KAZN: variants seen among roughly 807,000 people sequenced by gnomAD.
KAZN encodes the protein kazrin.
Under a neutral mutation model 87.4 loss-of-function variants are expected in KAZN, and 40 were observed. That is an observed-to-expected ratio of 0.46 (90% confidence interval 0.36 to 0.60). KAZN has a LOEUF of 0.60. Ranked by LOEUF, KAZN falls within the 20% of genes least tolerant of loss-of-function variation. The probability of loss-of-function intolerance (pLI) is 0.00; values close to 1 mark genes in which losing one functional copy is unlikely to be tolerated. For synonymous variants in KAZN, 466 were observed against 458.3 expected (o/e 1.02, Z -0.22); for missense variants, 898 against 1,073.9 (o/e 0.84, Z 2.29).
intron 2 of KAZN, among the ~76,000 whole-genome samples, chr1:15,003,208 C>A (rs953610313): frequency 6.6e-6 from 1 of 152,084 alleles, no homozygotes; most frequent in African/African-American, 2.4e-5. Flanking sequence ...AGGTGAGCAC[C>A]CCCGCTAGAG....
chr1:14,052,141 G>A lies in KAZN; in HGVS notation c.92-128294G>A, dbSNP rs114127694. ...CTTCCTGACACCATCACTGGCACCC[G>A]GCTCACATCTTGTACCTGCTCTCCC... On this transcript the variant is annotated intron_variant, in intron 1 of 16. Transcript: ENST00000636203. Among the ~76,000 whole-genome samples the A allele has an allele frequency of 9.3e-3, 1,417 of 152,236 alleles. 18 individuals are homozygous for A. Among genetic ancestry groups the A allele is most frequent in the African/African-American group, 0.033 (1,356 of 41,530 alleles).
intron 1 of KAZN, among the ~76,000 whole-genome samples, chr1:14,878,827 A>C (rs1342163023): frequency 6.6e-6 from 1 of 152,016 alleles, no homozygotes; most frequent in East Asian, 1.9e-4. Flanking sequence ...CCCACATCCC[A>C]CTGGGAATAG....
chr1:14,628,403 T>G (rs1679308531), intron 1 of KAZN, among the ~76,000 whole-genome samples: 2 of 152,208 alleles, frequency 1.3e-5, no homozygotes, highest in Admixed American at 1.3e-4. Context: ...AAAATTTAGA[T>G]AAAGCCCAAT....
At chr1:14,416,944 G>T (rs1391928016) in intron 2 of KAZN, among the ~76,000 whole-genome samples, 1 of 150,198 alleles carries the variant, frequency 6.7e-6, no homozygotes, top group Non-Finnish European at 1.5e-5. Flanking sequence ...GTGTGTGAGC[G>T]TGTATATGTG....
At chr1:13,908,547 G>A (rs900353321) in intron 1 of KAZN, among the ~76,000 whole-genome samples, 1 of 152,206 alleles carries the variant, frequency 6.6e-6, no homozygotes, top group Non-Finnish European at 1.5e-5. Flanking sequence ...AAGTTCCTTT[G>A]TGGACACTGG....
intron 2 of KAZN, among the ~76,000 whole-genome samples, chr1:15,033,778 AC>A (rs1302798725): frequency 6.6e-6 from 1 of 152,076 alleles, no homozygotes; most frequent in Non-Finnish European, 1.5e-5. Context: ...TCGCTCTCTC[AC>A]CCAGGCTGGA....
At chr1:14,688,331 T>A (rs1229617902) in intron 1 of KAZN, among the ~76,000 whole-genome samples, 2 of 152,234 alleles carry the variant, frequency 1.3e-5, no homozygotes, top group African/African-American at 4.8e-5. Flanking sequence ...TTGAGCTAGA[T>A]GGCCTCTCAA....
chr1:14,494,573 A>G (rs1669844421), intron 2 of KAZN, among the ~76,000 whole-genome samples: 1 of 152,112 alleles, frequency 6.6e-6, no homozygotes, highest in Non-Finnish European at 1.5e-5. Flanking sequence ...TGATGTACAC[A>G]GCCTCTGGTC....
chr1:15,064,814 T>C (rs1639090520), intron 7 of KAZN, among the ~76,000 whole-genome samples: 1 of 152,236 alleles, frequency 6.6e-6, no homozygotes, highest in Non-Finnish European at 1.5e-5. Context: ...ACAGGGCCTG[T>C]GGCCACCCTT....
intron 2 of KAZN, among the ~76,000 whole-genome samples, chr1:14,516,391 C>T (rs189728696): frequency 1.2e-3 from 187 of 152,292 alleles, no homozygotes; most frequent in Non-Finnish European, 2.1e-3. Context: ...GACCCAAGCC[C>T]TTGGATGTAG....
intron 2 of KAZN, among the ~76,000 whole-genome samples, chr1:14,586,960 A>T (rs560957997): frequency 7.4e-4 from 112 of 152,338 alleles, no homozygotes; most frequent in African/African-American, 2.6e-3. Context: ...TTAAAATTAG[A>T]GGTGTGCGTA....
chr1:14,405,138 C>T (rs1663726904), intron 2 of KAZN, among the ~76,000 whole-genome samples: 1 of 152,198 alleles, frequency 6.6e-6, no homozygotes, highest in African/African-American at 2.4e-5. Flanking sequence ...ACTTTGCATA[C>T]CACTGCTCAG....
At position 14,761,773 on chromosome 1, in the gene KAZN, A is replaced by G. The variant is rs552899298; in HGVS notation, c.226+162550A>G. On this transcript the variant is annotated intron_variant, in intron 1 of 14. Transcript: ENST00000376030. ...CTCAGTTCCAAGCCTAAGACTGCAG[A>G]CCTCCATTTTCAAGGCTAAAAACAC... 2.0e-5 allele frequency among the ~76,000 whole-genome samples: 3 copies of G among 152,028 alleles called. No individual in the cohort carries two copies. In the East Asian group the frequency reaches 5.8e-4, roughly 29 times the overall value.
chr1:14,432,565 T>A (rs531348091), intron 2 of KAZN, among the ~76,000 whole-genome samples: 65 of 152,268 alleles, frequency 4.3e-4, no homozygotes, highest in South Asian at 2.5e-3. Context: ...ATTTTTTTTT[T>A]AATTTTACTT....
intron 1 of KAZN, among the ~76,000 whole-genome samples, chr1:14,671,940 C>T (rs368189731): frequency 6.6e-6 from 1 of 152,222 alleles, no homozygotes; most frequent in Non-Finnish European, 1.5e-5. Context: ...CTCTGAGGCA[C>T]CTTTGTGCTA....
intron 2 of KAZN, among the ~76,000 whole-genome samples, chr1:14,209,714 A>G (rs1646814473): frequency 6.6e-6 from 1 of 152,190 alleles, no homozygotes; most frequent in South Asian, 2.1e-4. Context: ...CAGTTCATGT[A>G]TTTATAACTG....
chr1:14,469,214 G>T (rs533077405), intron 2 of KAZN, among the ~76,000 whole-genome samples: 2 of 151,408 alleles, frequency 1.3e-5, no homozygotes, highest in East Asian at 4.0e-4. Flanking sequence ...TGTGTGTCAC[G>T]CAGGTAAAAA....
chr1:14,649,291 C>T (rs549080385), intron 1 of KAZN, among the ~76,000 whole-genome samples: 1 of 152,296 alleles, frequency 6.6e-6, no homozygotes, highest in Non-Finnish European at 1.5e-5. Flanking sequence ...TATTTGTTGA[C>T]TTATATTTTA....
intron 2 of KAZN, among the ~76,000 whole-genome samples, chr1:14,352,918 AG>A (rs1557657420): frequency 6.6e-6 from 1 of 152,264 alleles, no homozygotes; most frequent in East Asian, 1.9e-4. Context: ...AAAGAAAAAT[AG>A]ATTATGATCA....
Sources: allele counts gnomAD v4.1 joint callset (sites outside exome capture counted in the v4.1 genomes callset), GRCh38; gene constraint gnomAD v4.1.1; transcripts MANE v1.5; gene names NCBI Gene and HGNC (gene_info 2026-07-23, HGNC 2026-07-21).